The following FABP12 variants were observed in gnomAD, a reference collection of about 807,000 sequenced individuals.
FABP12 encodes the protein fatty acid binding protein 12.
FABP12 carries 19 observed loss-of-function variants against 13.7 expected under a neutral mutation model. That is an observed-to-expected ratio of 1.39 (90% confidence interval 0.97 to 2.04). FABP12 has a LOEUF of 2.04. Ranked by LOEUF, FABP12 falls within the 30% of genes most tolerant of loss-of-function variation. The probability of loss-of-function intolerance (pLI) is 0.00; values close to 1 mark genes in which losing one functional copy is unlikely to be tolerated. For missense variants in FABP12, 182 were observed against 164.2 expected, an observed-to-expected ratio of 1.11 and a Z score of -0.59; for synonymous variants, 61 against 57.0, an observed-to-expected ratio of 1.07 and a Z score of -0.32.
intron 1 of FABP12, among the ~76,000 whole-genome samples, chr8:81,569,433 A>G (rs1809885613): frequency 6.6e-6 from 1 of 152,222 alleles, no homozygotes; most frequent in African/African-American, 2.4e-5. Context: ...CACTGGCTCC[A>G]AGAGATGGCA....
At chr8:81,576,300 T>C (rs950443141) in intron 1 of FABP12, among the ~76,000 whole-genome samples, 3 of 152,184 alleles carry the variant, frequency 2.0e-5, no homozygotes, top group Admixed American at 2.0e-4. Flanking sequence ...GAATGATTCA[T>C]ATAAAATATT....
exon 3 of FABP12, chr8:81,529,501 A>T: frequency 6.2e-7 from 1 of 1,613,958 alleles, no homozygotes; most frequent in Non-Finnish European, 8.5e-7. Flanking sequence ...AGGAGATCTC[A>T]TTATTTTTAA....
intron 3 of FABP12, among the ~76,000 whole-genome samples, chr8:81,528,876 A>C (rs1808981166): frequency 6.6e-6 from 1 of 152,126 alleles, no homozygotes; most frequent in African/African-American, 2.4e-5. Context: ...GTGGTAGTTG[A>C]ACCTCTTTTG....
chr8:81,531,568 T>C (rs1457009742), intron 1 of FABP12, among the ~76,000 whole-genome samples, 178 bp from the exon 2 acceptor site: 1 of 152,318 alleles, frequency 6.6e-6, no homozygotes, highest in East Asian at 1.9e-4. Flanking sequence ...GAACTAGATA[T>C]ACCTTTTCCA....
chr8:81,526,155 A>T (rs1425270961), intron 4 of FABP12: 1 of 152,212 alleles, frequency 6.6e-6, no homozygotes, highest in Non-Finnish European at 1.5e-5. Context: ...AGAAAGAAAA[A>T]AAATCACTGT....
chr8:81,551,810 A>C (rs1472735526), intron 1 of FABP12, among the ~76,000 whole-genome samples: 1 of 152,126 alleles, frequency 6.6e-6, no homozygotes, highest in Non-Finnish European at 1.5e-5. Context: ...TGACTTCAAT[A>C]GGGATAACAC....
chr8:81,535,230 C>A (rs1428072936), upstream of FABP12, among the ~76,000 whole-genome samples: 1 of 152,170 alleles, frequency 6.6e-6, no homozygotes, highest in Non-Finnish European at 1.5e-5. Flanking sequence ...GAACCACCAC[C>A]TTCTGCAGTC....
At chr8:81,554,804 TAA>T (rs369556823) in intron 1 of FABP12, among the ~76,000 whole-genome samples, 1 of 149,928 alleles carries the variant, frequency 6.7e-6, no homozygotes, top group Admixed American at 6.7e-5. Flanking sequence ...CTGATGAGCT[TAA>T]AAAAAAAATC....
At chr8:81,586,300 A>G (rs2130113469) in intron 1 of FABP12, among the ~76,000 whole-genome samples, 1 of 152,316 alleles carries the variant, frequency 6.6e-6, no homozygotes, top group Middle Eastern at 3.4e-3. Context: ...GCTGTGATGA[A>G]CATACGCATG....
chr8:81,570,190 A>G (rs541017717), intron 1 of FABP12, among the ~76,000 whole-genome samples: 155 of 152,352 alleles, frequency 1.0e-3, no homozygotes, highest in African/African-American at 3.7e-3. Context: ...AAGATCCACA[A>G]GGACCCAAAG....
chr8:81,557,746 C>A (rs1180950101), intron 1 of FABP12, among the ~76,000 whole-genome samples: 1 of 152,112 alleles, frequency 6.6e-6, no homozygotes, highest in Non-Finnish European at 1.5e-5. Flanking sequence ...TTTCCTATAG[C>A]GAGTCTTTTA....
At chr8:81,528,708 C>T (rs1041297004) in intron 3 of FABP12, among the ~76,000 whole-genome samples, 9 of 151,914 alleles carry the variant, frequency 5.9e-5, no homozygotes, top group East Asian at 3.9e-4. Context: ...GTAAACAATA[C>T]GTGTAGAAGT....
chr8:81,556,425 CT>C (rs1809617094), intron 1 of FABP12, among the ~76,000 whole-genome samples: 1 of 152,040 alleles, frequency 6.6e-6, no homozygotes, highest in Admixed American at 6.6e-5. Context: ...ACCATGGTGG[CT>C]TTTTCATTGG....
At chr8:81,584,126 A>C (rs1810208127) in intron 1 of FABP12, among the ~76,000 whole-genome samples, 1 of 152,246 alleles carries the variant, frequency 6.6e-6, no homozygotes, top group African/African-American at 2.4e-5. Context: ...AAAGCATTTG[A>C]TAAAATTCAA....
At chr8:81,558,887 C>CAAAAA (rs35682824) in intron 1 of FABP12, among the ~76,000 whole-genome samples, 16 of 67,516 alleles carry the variant, frequency 2.4e-4, no homozygotes, top group African/African-American at 3.7e-4. Context: ...AAGGCTCCAT[C>CAAAAA]AAAAAAAAAA....
rs1226662343 is a variant in FABP12, at chr8:81,529,661, T to C, written c.74-51A>G. ...ATCTTTTTGCATAAAGAATTACAAA[T>C]ACATTACATTACAATACAATACTTA... On this transcript the variant is annotated intron_variant, in intron 2 of 4. Coordinates refer to ENST00000360464, the Ensembl canonical transcript of FABP12. The C allele has an allele frequency of 2.1e-6, 3 of 1,435,742 alleles. No individual in the cohort carries two copies. In the African/African-American group the frequency reaches 4.3e-5, roughly 20 times the overall value. The allele number at this position is 1,435,742 out of a possible 1,614,324, so 88.9% of individuals were successfully genotyped here.
At chr8:81,551,555 T>A (rs1205091905) in intron 1 of FABP12, among the ~76,000 whole-genome samples, 1 of 152,162 alleles carries the variant, frequency 6.6e-6, no homozygotes, top group African/African-American at 2.4e-5. Context: ...TATGAAAAAC[T>A]ATGTGTGGGT....
chr8:81,553,147 G>C (rs949876989), intron 1 of FABP12, among the ~76,000 whole-genome samples: 1 of 152,160 alleles, frequency 6.6e-6, no homozygotes, highest in Admixed American at 6.5e-5. Flanking sequence ...TAACATTTAA[G>C]AGACCTAGAG....
intron 1 of FABP12, among the ~76,000 whole-genome samples, chr8:81,570,638 G>A (rs1809913732): frequency 6.6e-6 from 1 of 152,040 alleles, no homozygotes; most frequent in Non-Finnish European, 1.5e-5. Flanking sequence ...CCGCAGAGAG[G>A]AGGCCCTAGA....
Sources: allele counts gnomAD v4.1 joint callset (sites outside exome capture counted in the v4.1 genomes callset), GRCh38; gene constraint gnomAD v4.1.1; transcripts MANE v1.5; gene names NCBI Gene and HGNC (gene_info 2026-07-23, HGNC 2026-07-21).